DNAH12: variants seen among roughly 807,000 people sequenced by gnomAD.
DNAH12 encodes axonemal beta dynein heavy chain 12.
Under a neutral mutation model 371.5 loss-of-function variants are expected in DNAH12, and 285 were observed. The ratio of observed to expected loss-of-function variants is 0.77; its 90% CI spans 0.70 to 0.85. DNAH12 has a LOEUF of 0.85. Ranked by LOEUF, DNAH12 falls within the 40% of genes least tolerant of loss-of-function variation. The pLI, the probability that DNAH12 is intolerant of heterozygous loss-of-function variation, is 0.00. For synonymous variants in DNAH12, 1,200 were observed against 1,213.0 expected (o/e 0.99, Z 0.22); for missense variants, 3,611 against 3,689.4 (o/e 0.98, Z 0.55).
At position 57,413,751 on chromosome 3, in the gene DNAH12, T is replaced by C; in HGVS notation, c.6015A>G (p.Gly2005=). 6.5e-7 allele frequency: 1 copy of C among 1,550,290 alleles called. No individual in the cohort carries two copies. ...TTATCGAATTAAATAGTTACCAATG[T>C]CCACAGTCAAAAAACTGTCGTAATA... is the stretch of plus-strand genomic sequence containing the variant. ...IELLRQFFDC[G]HWYDLKDTSK... The change falls in exon 39 of 74, where the codon GGA becomes GGG. Residue 2005 remains glycine, a synonymous_variant. Transcript: ENST00000495027.
At chr3:57,381,113 G>C (rs1465977942) in intron 50 of DNAH12, among the ~76,000 whole-genome samples, 1 of 152,110 alleles carries the variant, frequency 6.6e-6, no homozygotes, top group South Asian at 2.1e-4. Context: ...GAAAGCAGAA[G>C]GCCAAAGAGT....
rs922289100 is a variant in DNAH12 at position 57,379,501 on chromosome 3, A to G, written c.8083-203T>C. ...ATTTGTGAGCAAAATATGCAAATGTATTACAGATATTAAGGCAAAATGTTT... is the reference window on the plus strand; with the variant it reads ...ATTTGTGAGCAAAATATGCAAATGTGTTACAGATATTAAGGCAAAATGTTT... On this transcript the variant is annotated intron_variant, in intron 51 of 73. Coordinates refer to ENST00000495027, the MANE Select transcript of DNAH12 (RefSeq NM_001366028.2). 7.6e-4 allele frequency among the ~76,000 whole-genome samples: 116 copies of G among 152,268 alleles called. No individual in the cohort carries two copies. The East Asian group carries it at 0.021, about 27-fold the overall frequency.
chr3:57,390,337 C>A (rs1397242931), intron 45 of DNAH12, among the ~76,000 whole-genome samples: 2 of 125,088 alleles, frequency 1.6e-5, no homozygotes, highest in African/African-American at 5.6e-5. Flanking sequence ...TGCTTGAGCC[C>A]AGGAGGCAGA....
intron 4 of DNAH12, among the ~76,000 whole-genome samples, chr3:57,513,518 AT>A (rs1222364114): frequency 9.7e-6 from 1 of 102,604 alleles, no homozygotes; most frequent in Admixed American, 9.4e-5. Flanking sequence ...AATAAAAAAA[AT>A]ACTACTAAAC....
chr3:57,480,104 A>C (rs967971343), intron 13 of DNAH12, among the ~76,000 whole-genome samples: 2 of 152,142 alleles, frequency 1.3e-5, no homozygotes. Flanking sequence ...GACATAAAAA[A>C]CCCTTCAAAA....
rs2063501685 is a variant in DNAH12 at position 57,386,487 on chromosome 3, T to C, written c.7556A>G (p.Gln2519Arg). 1 of 152,352 alleles carries C rather than the reference T, an allele frequency of 6.6e-6. No individual in the cohort carries two copies. Among genetic ancestry groups the C allele is most frequent in the Non-Finnish European group, 1.5e-5 (1 of 68,034 alleles). 9.4% of individuals were successfully genotyped at this position (152,352 alleles called of 1,614,324 possible). A position where few individuals can be genotyped will look rare whatever the true frequency, so the allele number is the denominator to read the frequency against. The stretch of plus-strand genomic sequence containing the variant: ...TTTGTCAAGCCCATTCATGTATCGT[T>C]GTTTTGCTTCCATGACAGCTTGTCG... ...QKRQAVMEAKQRYMNGLDKLA... is the reference protein window; with the variant it reads ...QKRQAVMEAKRRYMNGLDKLA... Residue 2519 changes from glutamine (Q) to arginine (R), a missense_variant, in exon 47 of 74, where the codon CAA (glutamine) becomes CGA (arginine). By Grantham distance (43) the Gln-to-Arg change is conservative (BLOSUM62 1). This residue lies in a region of DNAH12 where 2,266 missense variants were observed against 2,236.9 expected (regional missense o/e 1.01). Transcript: ENST00000495027.
intron 62 of DNAH12, among the ~76,000 whole-genome samples, chr3:57,325,433 A>G (rs1330172132): frequency 4.6e-5 from 7 of 152,242 alleles, no homozygotes; most frequent in Non-Finnish European, 2.9e-5. Context: ...ACTGTTCTGC[A>G]AACACCTCTG....
intron 29 of DNAH12, among the ~76,000 whole-genome samples, chr3:57,443,401 T>G (rs1464127726): frequency 6.6e-6 from 1 of 152,202 alleles, no homozygotes; most frequent in Admixed American, 6.5e-5. Context: ...TGAGCCACCA[T>G]GCCTGGCTTG....
chr3:57,399,285 C>T (rs2063808128), intron 43 of DNAH12, among the ~76,000 whole-genome samples: 1 of 151,884 alleles, frequency 6.6e-6, no homozygotes, highest in South Asian at 2.1e-4. Flanking sequence ...ACAAGACACA[C>T]AGAAAACAAA....
In DNAH12 at chr3:57,310,873, T is replaced by C. The variant is rs2061569603; in HGVS notation, c.10740A>G (p.Arg3580=). 1 of 1,551,610 alleles carries C rather than the reference T, an allele frequency of 6.4e-7. No individual in the cohort carries two copies. Residue 3580 remains arginine, a synonymous_variant, in exon 67 of 74, where the codon AGA becomes AGG. Transcript: ENST00000495027. Reference sequence around the variant, plus strand: ...GACGTCTGTCCCAATCGTCTGTCACTCTTCCTCCATAATTACACTCCCCAG... The same window carrying C: ...GACGTCTGTCCCAATCGTCTGTCACCCTTCCTCCATAATTACACTCCCCAG... ...YLTGECNYGG[R]VTDDWDRRLL...
chr3:57,307,685 T>A (rs899667710), intron 69 of DNAH12, among the ~76,000 whole-genome samples: 3 of 152,178 alleles, frequency 2.0e-5, no homozygotes, highest in Non-Finnish European at 4.4e-5. Context: ...TCACTCTTTG[T>A]TGAGTCTCCC....
intron 4 of DNAH12, among the ~76,000 whole-genome samples, chr3:57,515,767 A>G (rs1342096688): frequency 6.6e-6 from 1 of 152,114 alleles, no homozygotes; most frequent in East Asian, 1.9e-4. Flanking sequence ...AAAAGAAATG[A>G]TAGAAAAATT....
intron 2 of DNAH12, among the ~76,000 whole-genome samples, chr3:57,538,817 C>A (rs1480969808): frequency 6.6e-6 from 1 of 152,164 alleles, no homozygotes; most frequent in Non-Finnish European, 1.5e-5. Flanking sequence ...CTGGTGACTC[C>A]CAAATTTTTA....
chr3:57,396,290 C>CAAACAA (rs2063736576), intron 43 of DNAH12, among the ~76,000 whole-genome samples: 1 of 68,718 alleles, frequency 1.5e-5, no homozygotes, highest in Admixed American at 1.6e-4. Context: ...AAAAAAAAAA[C>CAAACAA]AAAAAAAAAA....
chr3:57,466,068 T>TCA (rs10616496), intron 17 of DNAH12, among the ~76,000 whole-genome samples: 1,752 of 149,708 alleles, frequency 0.012, 25 homozygotes, highest in African/African-American at 0.037. Flanking sequence ...CACATGCAAT[T>TCA]CACACACACA....
intron 2 of DNAH12, among the ~76,000 whole-genome samples, chr3:57,539,322 C>T (rs1335128121): frequency 6.6e-6 from 1 of 152,234 alleles, no homozygotes; most frequent in Non-Finnish European, 1.5e-5. Flanking sequence ...AGGCCCTACA[C>T]TATCTGCTCC....
intron 5 of DNAH12, among the ~76,000 whole-genome samples, chr3:57,509,805 T>C (rs2067913871): frequency 7.3e-6 from 1 of 136,572 alleles, no homozygotes; most frequent in Admixed American, 9.0e-5. Context: ...GAGGTTGCAG[T>C]GAGCTGAGAT....
intron 13 of DNAH12, among the ~76,000 whole-genome samples, chr3:57,477,493 C>T (rs1199859503): frequency 6.6e-6 from 1 of 152,176 alleles, no homozygotes; most frequent in African/African-American, 2.4e-5. Flanking sequence ...ACTCCACCTC[C>T]AGGGGCAGGG....
intron 65 of DNAH12, among the ~76,000 whole-genome samples, chr3:57,319,162 T>C (rs2061749669): frequency 6.6e-6 from 1 of 152,220 alleles, no homozygotes; most frequent in Non-Finnish European, 1.5e-5. Flanking sequence ...AATTTCCATT[T>C]CAGATAGTTT....
Sources: gnomAD v4.1 joint callset for allele counts (sites outside exome capture counted in the v4.1 genomes callset) on GRCh38, gnomAD v4.1.1 for gene constraint, gnomAD v4.1.1 regional missense constraint, MANE v1.5 for transcripts, NCBI Gene and HGNC (gene_info 2026-07-23, HGNC 2026-07-21) for gene names.